The following ATP11A variants were observed in gnomAD, a reference collection of about 807,000 sequenced individuals.
ATP11A encodes the protein phospholipid-transporting ATPase IH.
In ATP11A, 81 loss-of-function variants were observed where a neutral mutation model predicts 154.4. The observed-to-expected ratio is 0.52, with a 90% confidence interval of 0.44 to 0.63. The LOEUF (loss-of-function observed/expected upper bound fraction) is 0.63. ATP11A is among the 30% of genes least tolerant of loss of function. The probability of loss-of-function intolerance (pLI) is 0.00; values close to 1 mark genes in which losing one functional copy is unlikely to be tolerated. For synonymous variants in ATP11A, 623 were observed against 585.9 expected (o/e 1.06, Z -0.91); for missense variants, 1,316 against 1,474.3 (o/e 0.89, Z 1.76).
intron 1 of ATP11A, among the ~76,000 whole-genome samples, chr13:112,715,692 A>G (rs1888385578): frequency 1.3e-5 from 2 of 150,202 alleles, no homozygotes; most frequent in East Asian, 2.0e-4. Flanking sequence ...AATTCTTTAC[A>G]GATTAATCTT....
intron 26 of ATP11A, among the ~76,000 whole-genome samples, chr13:112,872,949 C>G (rs1627110): frequency 9.4e-5 from 1 of 10,584 alleles, no homozygotes; most frequent in Admixed American, 1.3e-3. Context: ...TCTTCCTGAG[C>G]GGTGTGAGGT....
At position 112,819,904 on chromosome 13, in the gene ATP11A, G is replaced by A. The variant is rs1425060161; in HGVS notation, c.679G>A (p.Val227Met). ...EQPQPDLYKF[V>M]GRINVYSDLN... The stretch of plus-strand genomic sequence containing the variant: ...ACGTGGCTTTTCTGTCGCCAGGTTC[G>A]TGGGTCGCATCAACGTTTACAGTGA... The change falls in exon 8 of 30, where the codon GTG (valine) becomes ATG (methionine). Residue 227 changes from valine to methionine, a missense_variant. Physicochemically the swap from Val to Met is conservative, Grantham distance 21. Coordinates refer to ENST00000375645, the MANE Select transcript of ATP11A (RefSeq NM_015205.3). The A allele has an allele frequency of 6.8e-6, 11 of 1,613,920 alleles. No homozygotes were observed. The highest frequency in any genetic ancestry group is 4.0e-5 in the African/African-American group (3 of 74,942).
chr13:112,841,666 G>A (rs948249677), intron 16 of ATP11A, among the ~76,000 whole-genome samples: 2 of 152,292 alleles, frequency 1.3e-5, no homozygotes, highest in Non-Finnish European at 2.9e-5. Flanking sequence ...TGTGTCAGGA[G>A]CAGGTGACAT....
At chr13:112,778,312 G>A (rs1483184008) in intron 1 of ATP11A, among the ~76,000 whole-genome samples, 1 of 152,194 alleles carries the variant, frequency 6.6e-6, no homozygotes, top group Non-Finnish European at 1.5e-5. Context: ...CCAGGTCAGC[G>A]GCTTTGAAAG....
intron 25 of ATP11A, among the ~76,000 whole-genome samples, chr13:112,867,103 C>T (rs2080359296): frequency 1.3e-5 from 2 of 152,162 alleles, no homozygotes; most frequent in Non-Finnish European, 2.9e-5. Context: ...ACTGAGATTC[C>T]AGGCTCCTGG....
At chr13:112,770,415 AAAG>A (rs2077197974) in intron 1 of ATP11A, among the ~76,000 whole-genome samples, 1 of 152,168 alleles carries the variant, frequency 6.6e-6, no homozygotes, top group Non-Finnish European at 1.5e-5. Flanking sequence ...AGAAAAGAAA[AAAG>A]GAAGGAGAGA....
At chr13:112,738,636 G>C (rs192817621) in intron 1 of ATP11A, among the ~76,000 whole-genome samples, 66 of 152,294 alleles carry the variant, frequency 4.3e-4, no homozygotes, top group Middle Eastern at 3.4e-3. Flanking sequence ...AGCTTTCTGT[G>C]CTGGCCCAAG....
At chr13:112,739,640 A>G (rs1891330630) in intron 1 of ATP11A, among the ~76,000 whole-genome samples, 1 of 152,246 alleles carries the variant, frequency 6.6e-6, no homozygotes, top group African/African-American at 2.4e-5. Flanking sequence ...AAGCATTGAA[A>G]ACACGCGTCC....
intron 1 of ATP11A, among the ~76,000 whole-genome samples, chr13:112,706,086 CT>C (rs915746814): frequency 6.6e-6 from 1 of 152,022 alleles, no homozygotes; most frequent in African/African-American, 2.4e-5. Flanking sequence ...GGGCAACACT[CT>C]TTTTTTTCAT....
At chr13:112,877,386 G>A (rs2080761353) in intron 28 of ATP11A, among the ~76,000 whole-genome samples, 1 of 152,246 alleles carries the variant, frequency 6.6e-6, no homozygotes, top group African/African-American at 2.4e-5. Flanking sequence ...GAGCTCTTTA[G>A]CTGTGCAGTT....
Position 112,779,340 on chromosome 13 carries a change from C to T in ATP11A, c.40-5795C>T, listed in dbSNP as rs867656640. 1.2e-4 allele frequency among the ~76,000 whole-genome samples: 14 copies of T among 112,450 alleles called. No individual in the cohort carries two copies. In the East Asian group the frequency reaches 2.1e-3, roughly 17 times the overall value. 73.8% of individuals were successfully genotyped at this position (112,450 alleles called of 152,430 possible). Reference sequence around the variant, plus strand: ...AGTAGCCGCTGGAGTGAGGAGTAGCCGCTGGAGTGAGTAGCCGCTGGAGTG... The same window carrying T: ...AGTAGCCGCTGGAGTGAGGAGTAGCTGCTGGAGTGAGTAGCCGCTGGAGTG... On this transcript the variant is annotated intron_variant, in intron 1 of 29. Transcript: ENST00000375645.
chr13:112,725,860 A>G (rs1361177700), intron 1 of ATP11A, among the ~76,000 whole-genome samples: 1 of 152,192 alleles, frequency 6.6e-6, no homozygotes, highest in Non-Finnish European at 1.5e-5. Flanking sequence ...TGGGTGAAGG[A>G]GGCTGAGAGA....
chr13:112,862,889 A>G (rs1316965745), intron 25 of ATP11A, among the ~76,000 whole-genome samples: 25 of 145,150 alleles, frequency 1.7e-4, no homozygotes, highest in Admixed American at 4.7e-4. Context: ...AGTGCAGCCC[A>G]TGCAGCTTCC....
chr13:112,744,163 G>A (rs1223872083), intron 1 of ATP11A, among the ~76,000 whole-genome samples: 1 of 152,216 alleles, frequency 6.6e-6, no homozygotes, highest in Non-Finnish European at 1.5e-5. Context: ...GCAGGAGAAT[G>A]TCGCTGTCCT....
chr13:112,872,182 A>G (rs933972525), intron 26 of ATP11A, among the ~76,000 whole-genome samples: 7 of 152,268 alleles, frequency 4.6e-5, no homozygotes, highest in African/African-American at 1.7e-4. Flanking sequence ...TTCACTCTTT[A>G]AAGTTCAGTG....
At chr13:112,874,213 CA>C (rs1448659990) in intron 27 of ATP11A, among the ~76,000 whole-genome samples, 9 of 152,140 alleles carry the variant, frequency 5.9e-5, no homozygotes, top group Admixed American at 4.6e-4. Flanking sequence ...TGGGGGAGAG[CA>C]GCAGGCACGC....
intron 6 of ATP11A, among the ~76,000 whole-genome samples, chr13:112,818,975 G>A (rs1162994172): frequency 6.6e-6 from 1 of 152,230 alleles, no homozygotes; most frequent in Non-Finnish European, 1.5e-5. Flanking sequence ...TCTGTAAAAG[G>A]AAAGGGATAT....
chr13:112,741,001 A>G (rs763668384), intron 1 of ATP11A, among the ~76,000 whole-genome samples: 9 of 152,244 alleles, frequency 5.9e-5, no homozygotes, highest in Admixed American at 1.3e-4. Context: ...TGAGAACCAA[A>G]CAAGCAAGGC....
chr13:112,699,521 G>A (rs1473612211), intron 1 of ATP11A, among the ~76,000 whole-genome samples: 1 of 152,202 alleles, frequency 6.6e-6, no homozygotes, highest in East Asian at 1.9e-4. Context: ...AGCTGGCTGC[G>A]CTTGGGGTTG....
Sources: allele counts gnomAD v4.1 joint callset (sites outside exome capture counted in the v4.1 genomes callset), GRCh38; gene constraint gnomAD v4.1.1; transcripts MANE v1.5; gene names NCBI Gene and HGNC (gene_info 2026-07-23, HGNC 2026-07-21).